Variants in ERCC6L observed in about 807,000 individuals in gnomAD.
The protein encoded by ERCC6L is ERCC excision repair 6 like, spindle assembly checkpoint helicase.
A neutral mutation model predicts 20.1 loss-of-function variants in ERCC6L; 7 were observed. The observed-to-expected ratio is 0.35, with a 90% CI of 0.20 to 0.65. The LOEUF (loss-of-function observed/expected upper bound fraction) is 0.65. Among genes scored for constraint, ERCC6L ranks in the 30% least tolerant of loss-of-function variants. The pLI is 0.69. For synonymous variants in ERCC6L, 278 were observed against 331.3 expected, an observed-to-expected ratio of 0.84 and a Z score of 1.75; for missense variants, 592 against 892.4, an observed-to-expected ratio of 0.66 and a Z score of 4.29.
intron 1 of ERCC6L, among the ~76,000 whole-genome samples, chrX:72,222,442 C>T (rs750299145): frequency 2.7e-5 from 3 of 111,551 alleles, no homozygotes; most frequent in African/African-American, 9.8e-5. Flanking sequence ...CCCATAGAGA[C>T]ACAGACTGGA....
rs5958791 is a variant in ERCC6L at position 72,210,122 on chromosome X, T to C, written c.69-1424A>G. Among the ~76,000 whole-genome samples, 606 of 108,479 alleles carry C rather than the reference T, an allele frequency of 5.6e-3. 4 individuals are homozygous for C. The highest frequency in any genetic ancestry group is 0.02 in the African/African-American group (587 of 29,803). 94.2% of individuals were successfully genotyped at this position (108,479 alleles called of 115,157 possible). A position where few individuals can be genotyped will look rare whatever the true frequency, so the allele number is the denominator to read the frequency against. On this transcript the variant is annotated intron_variant, in intron 1 of 1. Transcript: ENST00000334463. ...GCTCATGACTGTGATCCCAGCACTT[T>C]TGGGAGGCCAAGGCAGGAGGATCGC... is the stretch of plus-strand genomic sequence containing the variant.
chrX:72,219,327 G>T (rs1042089000), intron 1 of ERCC6L, among the ~76,000 whole-genome samples: 3 of 110,029 alleles, frequency 2.7e-5, no homozygotes, highest in Non-Finnish European at 5.7e-5. Context: ...GCCAAGGCGG[G>T]AGGATCACCT....
At chrX:72,225,407 TCAACA>T (rs967912766) in intron 1 of ERCC6L, among the ~76,000 whole-genome samples, 3 of 111,643 alleles carry the variant, frequency 2.7e-5, no homozygotes, top group African/African-American at 9.8e-5. Flanking sequence ...AACATTGTAT[TCAACA>T]CACCACCAGG....
rs768969578 is a variant in ERCC6L at position 72,206,225 on chromosome X, A to G, written c.2542T>C (p.Leu848=). Residue 848 remains leucine, a synonymous_variant, in exon 2 of 2, where the codon TTA becomes CTA. Transcript: ENST00000334463. Reference sequence around the variant, plus strand: ...GCCTCTTGCTTAGGCCCCTCTTGTAATGTCTCTTTTTGTACAGCTTCATTT... The same window carrying G: ...GCCTCTTGCTTAGGCCCCTCTTGTAGTGTCTCTTTTTGTACAGCTTCATTT... The part of the protein sequence containing the change: ...TKNEAVQKET[L]QEGPKQEALQ... The G allele has an allele frequency of 1.7e-6, 2 of 1,210,809 alleles. No individual in the cohort carries two copies. The highest frequency in any genetic ancestry group is 1.8e-5 in the South Asian group (1 of 56,715).
intron 1 of ERCC6L, among the ~76,000 whole-genome samples, chrX:72,218,556 C>T (rs753061615): frequency 1.9e-5 from 2 of 106,513 alleles, no homozygotes; most frequent in South Asian, 4.3e-4. Context: ...TGCAGTGGCA[C>T]GGTCTTGGTT....
rs1569489976 is a variant in ERCC6L at position 72,207,859 on chromosome X, G to T, written c.908C>A (p.Thr303Asn). 3 of 1,206,707 alleles carry T rather than the reference G, an allele frequency of 2.5e-6. No individual in the cohort carries two copies. The highest frequency in any genetic ancestry group is 1.1e-6 in the Non-Finnish European group (1 of 894,186). ...AAATCCCAAGGCTTTTTCTCCTGGGGTAGCATCCTTCTCTCTTGCTCTAGT... is the reference window on the plus strand; with the variant it reads ...AAATCCCAAGGCTTTTTCTCCTGGGTTAGCATCCTTCTCTCTTGCTCTAGT... ...PITRAREKDA[T>N]PGEKALGFKI... is the part of the protein sequence containing the mutation. The change falls in exon 2 of 2, where the codon ACC (threonine) becomes AAC (asparagine). Residue 303 changes from threonine to asparagine, a missense_variant. By Grantham distance (65) the Thr-to-Asn change is moderately conservative. This residue lies in a region of ERCC6L where 196 missense variants were observed against 440.1 expected (regional missense o/e 0.45). Coordinates refer to ENST00000334463, the MANE Select transcript of ERCC6L (RefSeq NM_017669.4).
Position 72,205,258 on chromosome X carries a change from TGA to T in ERCC6L, c.3507_3508del (p.Gln1170ArgfsTer8). On this transcript the variant is annotated frameshift_variant, in exon 2 of 2. Transcript: ENST00000334463. LOFTEE classifies it high-confidence loss of function. The stretch of plus-strand genomic sequence containing the variant: ...CTCAGGGGCACCAAGAGAGGTCTCT[TGA>T]GCTAGAGCACTAGGCTTAGACGTCA... 8.3e-7 allele frequency: 1 copy of T among 1,212,011 alleles called. No individual in the cohort carries two copies. Among genetic ancestry groups the T allele is most frequent in the Non-Finnish European group, 1.1e-6 (1 of 895,582 alleles).
intron 1 of ERCC6L, among the ~76,000 whole-genome samples, chrX:72,232,692 C>T (rs2147604257): frequency 9.0e-6 from 1 of 111,347 alleles, no homozygotes; most frequent in African/African-American, 3.3e-5. Flanking sequence ...CACCTGTAAT[C>T]CCAGCTACTC....
Position 72,225,726 on chromosome X carries a change from C to T in ERCC6L, c.68+13118G>A, listed in dbSNP as rs140948896. ...ACTCACTCCCACTCCAGCCCTTTAT[C>T]ATGCTTTCTCTCACCAAAAACGTGC... is the stretch of plus-strand genomic sequence containing the variant. On this transcript the variant is annotated intron_variant, in intron 1 of 1. Coordinates refer to ENST00000334463, the MANE Select transcript of ERCC6L (RefSeq NM_017669.4). 1.9e-3 allele frequency among the ~76,000 whole-genome samples: 209 copies of T among 111,732 alleles called. 2 individuals carry two copies. Among genetic ancestry groups the T allele is most frequent in the Non-Finnish European group, 3.4e-3 (181 of 53,165 alleles).
chrX:72,236,515 T>C (rs2043018103), intron 1 of ERCC6L, among the ~76,000 whole-genome samples: 1 of 111,322 alleles, frequency 9.0e-6, no homozygotes, highest in Non-Finnish European at 1.9e-5. Context: ...AGACTGGTCT[T>C]GAACTCCTGA....
In ERCC6L at chrX:72,204,916, A is replaced by G. The variant is rs1259490156; in HGVS notation, c.*98T>C. ...TGCTTTTTGAGATCTTTCTTGCCTT[A>G]AGCCTGAATGCTTCATGTTCCCAAA... On this transcript the variant is annotated 3_prime_UTR_variant, in exon 2 of 2. Transcript: ENST00000334463. 8.9e-6 allele frequency: 7 copies of G among 789,423 alleles called. No individual in the cohort carries two copies. Among genetic ancestry groups the G allele is most frequent in the Non-Finnish European group, 3.5e-6 (2 of 569,716 alleles). The allele number at this position is 789,423 out of a possible 1,213,427, so 65.1% of individuals were successfully genotyped here. A position where few individuals can be genotyped will look rare whatever the true frequency, so the allele number is the denominator to read the frequency against.
chrX:72,237,467 G>A (rs997174085), intron 1 of ERCC6L, among the ~76,000 whole-genome samples: 3 of 111,376 alleles, frequency 2.7e-5, no homozygotes, highest in Non-Finnish European at 5.7e-5. Context: ...GTGTGTTAGC[G>A]GGCGCCTGTA....
intron 1 of ERCC6L, among the ~76,000 whole-genome samples, chrX:72,220,321 A>G (rs1008322142): frequency 1.9e-4 from 21 of 111,851 alleles, no homozygotes; most frequent in African/African-American, 4.5e-4. Flanking sequence ...TAGACTTTCT[A>G]TTATCAAAAA....
At chrX:72,211,343 C>T (rs1379464953) in intron 1 of ERCC6L, among the ~76,000 whole-genome samples, 1 of 109,535 alleles carries the variant, frequency 9.1e-6, no homozygotes, top group Admixed American at 9.8e-5. Context: ...AACCCTCAAG[C>T]AAGAGAACAA....
At chrX:72,235,622 A>G (rs937082364) in intron 1 of ERCC6L, among the ~76,000 whole-genome samples, 10 of 110,554 alleles carry the variant, frequency 9.0e-5, no homozygotes, top group Non-Finnish European at 1.9e-4. Flanking sequence ...CGAACTCCTG[A>G]CCTCAGGTGA....
chrX:72,235,071 T>C lies in ERCC6L; in HGVS notation c.68+3773A>G, dbSNP rs747007320. On this transcript the variant is annotated intron_variant, in intron 1 of 1. Coordinates refer to ENST00000334463, the MANE Select transcript of ERCC6L (RefSeq NM_017669.4). ...GATTTAGCAAAATGTATTAGTTTCC[T>C]ATTGCTGCCGTTACAAATCATCACA... 8.9e-5 allele frequency among the ~76,000 whole-genome samples: 10 copies of C among 112,313 alleles called. No homozygotes were observed. In the Middle Eastern group the frequency reaches 0.018, roughly 207 times the overall value.
chrX:72,227,901 T>C (rs1411337331), intron 1 of ERCC6L, among the ~76,000 whole-genome samples: 3 of 112,959 alleles, frequency 2.7e-5, no homozygotes, highest in Non-Finnish European at 5.6e-5. Context: ...ATGTACTTTA[T>C]GTTCTTAGCT....
chrX:72,214,737 A>G (rs2042878294), intron 1 of ERCC6L, among the ~76,000 whole-genome samples: 2 of 110,057 alleles, frequency 1.8e-5, no homozygotes, highest in African/African-American at 6.6e-5. Flanking sequence ...CTGTAATCCT[A>G]GCACTTTGGG....
chrX:72,218,249 G>A (rs1283161331), intron 1 of ERCC6L, among the ~76,000 whole-genome samples: 52 of 100,426 alleles, frequency 5.2e-4, no homozygotes, highest in Non-Finnish European at 9.7e-4. Context: ...CAGCCTGGGC[G>A]ACAGAGCGAG....
Sources: gnomAD v4.1 joint callset for allele counts (sites outside exome capture counted in the v4.1 genomes callset) on GRCh38, gnomAD v4.1.1 for gene constraint, gnomAD v4.1.1 regional missense constraint, MANE v1.5 for transcripts, NCBI Gene and HGNC (gene_info 2026-07-23, HGNC 2026-07-21) for gene names.